The following ZMYND8 variants were observed in gnomAD, a reference collection of about 807,000 sequenced individuals.
ZMYND8 encodes the protein MYND-type zinc finger-containing chromatin reader ZMYND8.
Under a neutral mutation model 140.8 loss-of-function variants are expected in ZMYND8, and 37 were observed. The ratio of observed to expected loss-of-function variants is 0.26; its 90% confidence interval spans 0.20 to 0.35. The LOEUF (loss-of-function observed/expected upper bound fraction) is 0.35, where lower values mean the gene tolerates loss of function less well. Among genes scored for constraint, ZMYND8 ranks in the 10% least tolerant of loss-of-function variants. The pLI is 1.00. For synonymous variants in ZMYND8, 592 were observed against 597.1 expected, an observed-to-expected ratio of 0.99 and a Z score of 0.12; for missense variants, 1,068 against 1,570.0, an observed-to-expected ratio of 0.68 and a Z score of 5.40.
At chr20:47,350,110 G>A (rs1393087306) in intron 1 of ZMYND8, 1 of 1,238,202 alleles carries the variant, frequency 8.1e-7, no homozygotes, top group Non-Finnish European at 1.1e-6. Context: ...ATCTTTCCAA[G>A]TATTACAAGT....
chr20:47,314,755 G>A (rs764049303), intron 2 of ZMYND8, among the ~76,000 whole-genome samples: 1 of 152,214 alleles, frequency 6.6e-6, no homozygotes, highest in African/African-American at 2.4e-5. Flanking sequence ...TATTTGAGGG[G>A]TTGGTTCAGG....
At chr20:47,353,242 G>A (rs1602208835) in intron 1 of ZMYND8, 1 of 152,218 alleles carries the variant, frequency 6.6e-6, no homozygotes, top group Middle Eastern at 3.4e-3. Flanking sequence ...TCTCCCCACT[G>A]GTTCTCCCAG....
chr20:47,303,637 G>GAC (rs2078250110), intron 3 of ZMYND8, among the ~76,000 whole-genome samples: 1 of 152,024 alleles, frequency 6.6e-6, no homozygotes, highest in East Asian at 1.9e-4. Context: ...TGGAGGTTGC[G>GAC]GTGAGCCAAG....
At chr20:47,281,489 T>C (rs1017360237) in intron 10 of ZMYND8, among the ~76,000 whole-genome samples, 1 of 152,202 alleles carries the variant, frequency 6.6e-6, no homozygotes, top group Non-Finnish European at 1.5e-5. Flanking sequence ...TGCCTACCTG[T>C]TGTTCTCAAG....
intron 8 of ZMYND8, among the ~76,000 whole-genome samples, chr20:47,285,109 C>T (rs2076839189): frequency 6.6e-6 from 1 of 152,052 alleles, no homozygotes; most frequent in South Asian, 2.1e-4. Context: ...AATGAGGCCC[C>T]AAAAAGTTTA....
intron 1 of ZMYND8, 32 bp downstream of exon 1, chr20:47,356,625 G>A: frequency 9.9e-6 from 16 of 1,614,070 alleles, no homozygotes; most frequent in Non-Finnish European, 1.3e-5. Context: ...CAGAGGGAGG[G>A]GGAAAAAAGA....
rs1180232871 is a variant in ZMYND8, at chr20:47,224,310, G to A, written c.3256+7C>T. On this transcript the variant is annotated splice_region_variant and intron_variant, in intron 19 of 22. Coordinates refer to ENST00000471951, the MANE Select transcript of ZMYND8 (RefSeq NM_001281775.3). ...CCAGGACGGGAGGCAGCCCCACAGG[G>A]CATTACCTGACTGGGTGCAGGACTT... 1 of 1,614,002 alleles carries A rather than the reference G, an allele frequency of 6.2e-7. No homozygotes were observed. Among genetic ancestry groups the A allele is most frequent in the Admixed American group, 1.7e-5 (1 of 60,002 alleles).
intron 8 of ZMYND8, among the ~76,000 whole-genome samples, chr20:47,286,695 T>C (rs1204940340): frequency 1.3e-5 from 2 of 152,210 alleles, no homozygotes; most frequent in Admixed American, 1.3e-4. Flanking sequence ...TCATACCATT[T>C]TGGCTGCCAG....
At chr20:47,255,594 G>A (rs6012145) in intron 12 of ZMYND8, among the ~76,000 whole-genome samples, 83,153 of 124,094 alleles carry the variant, frequency 0.67, 27,933 homozygotes, top group African/African-American at 0.85. Flanking sequence ...GTGTGTGTGT[G>A]TATATATATA....
rs567530276 is a variant in ZMYND8, at chr20:47,216,170, ATCC to A, written c.3485-3448_3485-3446del. Among the ~76,000 whole-genome samples the A allele has an allele frequency of 1.6e-4, 24 of 152,204 alleles. No homozygotes were observed. In the South Asian group the frequency reaches 4.8e-3, roughly 30 times the overall value. On this transcript the variant is annotated intron_variant, in intron 21 of 22. Transcript: ENST00000471951. ...AGAAATAGCCATCATGGACGATGGAATCCTGATAAAAACAAAAAACTTGGGTCA... is the reference window on the plus strand; with the variant it reads ...AGAAATAGCCATCATGGACGATGGAATGATAAAAACAAAAAACTTGGGTCA...
At chr20:47,344,817 T>C (rs2082206271) in intron 2 of ZMYND8, among the ~76,000 whole-genome samples, 1 of 152,126 alleles carries the variant, frequency 6.6e-6, no homozygotes, top group African/African-American at 2.4e-5. Context: ...ATTTTAAAAA[T>C]GTAATAGAAA....
Position 47,310,252 on chromosome 20 carries a change from G to C in ZMYND8, c.86-48C>G, listed in dbSNP as rs763167348. On this transcript the variant is annotated intron_variant, in intron 2 of 22. Coordinates refer to ENST00000471951, the MANE Select transcript of ZMYND8 (RefSeq NM_001281775.3). ...GGTTTTAAAGCAGTCAGGGAGGCCT[G>C]GGCCCCACAGGGAGGAGGTGTGGAG... is the stretch of plus-strand genomic sequence containing the variant. 9.7e-6 allele frequency: 15 copies of C among 1,545,046 alleles called. No individual in the cohort carries two copies. The South Asian group carries it at 1.8e-4, about 19-fold the overall frequency.
At chr20:47,283,103 C>T (rs2147876950) in intron 9 of ZMYND8, among the ~76,000 whole-genome samples, 1 of 152,266 alleles carries the variant, frequency 6.6e-6, no homozygotes, top group Non-Finnish European at 1.5e-5. Flanking sequence ...TCTGCAGAAC[C>T]CCAGCTTGGA....
chr20:47,304,063 G>A (rs78371770), intron 3 of ZMYND8, among the ~76,000 whole-genome samples: 4,487 of 152,182 alleles, frequency 0.029, 127 homozygotes, highest in South Asian at 0.1. Flanking sequence ...TTTTAAAAAG[G>A]GAAAGCAAAT....
intron 3 of ZMYND8, among the ~76,000 whole-genome samples, chr20:47,301,126 C>T (rs1436093202): frequency 6.6e-6 from 1 of 150,808 alleles, no homozygotes; most frequent in African/African-American, 2.4e-5. Flanking sequence ...AAGTAAGTAG[C>T]TAATACTTAT....
chr20:47,223,535 A>G lies in ZMYND8; in HGVS notation c.3256+782T>C, dbSNP rs978261209. Among the ~76,000 whole-genome samples the G allele has an allele frequency of 2.0e-5, 3 of 150,960 alleles. No individual in the cohort carries two copies. In the South Asian group the frequency reaches 6.3e-4, roughly 32 times the overall value. ...TAATAATAATAATAATTCATAAAAT[A>G]TTATTGATGCCAGGCGCTGTGGCTC... On this transcript the variant is annotated intron_variant, in intron 19 of 22. Coordinates refer to ENST00000471951, the MANE Select transcript of ZMYND8 (RefSeq NM_001281775.3).
chr20:47,212,253 T>C (rs2035378477), intron 22 of ZMYND8, among the ~76,000 whole-genome samples: 2 of 152,160 alleles, frequency 1.3e-5, no homozygotes, highest in African/African-American at 4.8e-5. Flanking sequence ...AGGGCCAAGC[T>C]GAGTTCAGTA....
At chr20:47,241,948 G>C (rs536363993) in intron 14 of ZMYND8, among the ~76,000 whole-genome samples, 42 of 151,786 alleles carry the variant, frequency 2.8e-4, no homozygotes, top group Admixed American at 2.6e-4. Context: ...CTCCCGAGTA[G>C]CTGGGACTAC....
intron 11 of ZMYND8, among the ~76,000 whole-genome samples, chr20:47,273,686 G>A (rs766383579): frequency 2.0e-5 from 3 of 152,188 alleles, no homozygotes; most frequent in Admixed American, 6.5e-5. Context: ...AGGCTGGAGT[G>A]CAGTGGCACA....
Sources: allele counts gnomAD v4.1 joint callset (sites outside exome capture counted in the v4.1 genomes callset), GRCh38; gene constraint gnomAD v4.1.1; transcripts MANE v1.5; gene names NCBI Gene and HGNC (gene_info 2026-07-23, HGNC 2026-07-21).